TTC28: variants seen among roughly 807,000 people sequenced by gnomAD.
The protein encoded by TTC28 is tetratricopeptide repeat domain 28.
A neutral mutation model predicts 198.0 loss-of-function variants in TTC28; 61 were observed. The ratio of observed to expected loss-of-function variants is 0.31; its 90% CI spans 0.25 to 0.38. The LOEUF (loss-of-function observed/expected upper bound fraction) is 0.38. Among genes scored for constraint, TTC28 ranks in the 10% least tolerant of loss-of-function variants. The pLI, the probability that TTC28 is intolerant of heterozygous loss-of-function variation, is 1.00. For synonymous variants in TTC28, 1,171 were observed against 1,297.8 expected (o/e 0.90, Z 2.10); for missense variants, 2,678 against 3,164.0 (o/e 0.85, Z 3.69).
At chr22:28,474,508 T>C (rs758026988) in intron 2 of TTC28, among the ~76,000 whole-genome samples, 1 of 152,206 alleles carries the variant, frequency 6.6e-6, no homozygotes, top group Non-Finnish European at 1.5e-5. Context: ...GGCTGGGAGA[T>C]ACCAGGTGTG....
intron 6 of TTC28, among the ~76,000 whole-genome samples, chr22:28,125,198 T>C (rs1255993292): frequency 1.3e-5 from 2 of 152,218 alleles, no homozygotes; most frequent in Non-Finnish European, 2.9e-5. Flanking sequence ...GGTCACAACC[T>C]ACCCAACATT....
chr22:28,288,848 C>A (rs1329441269), intron 5 of TTC28, among the ~76,000 whole-genome samples: 1 of 151,502 alleles, frequency 6.6e-6, no homozygotes, highest in Non-Finnish European at 1.5e-5. Flanking sequence ...TTTTAGGTCA[C>A]ATGGTAATAA....
intron 5 of TTC28, among the ~76,000 whole-genome samples, chr22:28,199,367 C>A (rs191751198): frequency 3.6e-4 from 47 of 131,344 alleles, no homozygotes; most frequent in African/African-American, 1.2e-3. Flanking sequence ...AAGTATAATG[C>A]CACTTACATT....
intron 2 of TTC28, among the ~76,000 whole-genome samples, chr22:28,451,545 G>A (rs1328165712): frequency 6.6e-6 from 1 of 152,074 alleles, no homozygotes; most frequent in Non-Finnish European, 1.5e-5. Flanking sequence ...ACATACAGCA[G>A]GTCCTCAAAT....
chr22:28,607,754 TGATTGTTATGAG>T (rs1448951473), intron 2 of TTC28, among the ~76,000 whole-genome samples: 2 of 152,216 alleles, frequency 1.3e-5, no homozygotes, highest in Non-Finnish European at 2.9e-5. Context: ...CTATAGCAGA[TGATTGTTATGAG>T]GATCTGCCTT....
intron 1 of TTC28, among the ~76,000 whole-genome samples, chr22:28,636,811 C>T (rs1057084640): frequency 2.6e-5 from 4 of 151,992 alleles, no homozygotes; most frequent in Non-Finnish European, 5.9e-5. Flanking sequence ...TATTTTATCC[C>T]ACCCCATAGG....
intron 12 of TTC28, among the ~76,000 whole-genome samples, chr22:28,092,387 C>A (rs1260270112): frequency 6.6e-6 from 1 of 152,160 alleles, no homozygotes; most frequent in Admixed American, 6.5e-5. Flanking sequence ...ACTCAAAATA[C>A]CTGTGGAAGG....
At chr22:28,069,133 T>C (rs1335867488) in intron 12 of TTC28, among the ~76,000 whole-genome samples, 1 of 152,206 alleles carries the variant, frequency 6.6e-6, no homozygotes, top group Non-Finnish European at 1.5e-5. Context: ...TGAGTCATTT[T>C]CTTTTGATCT....
intron 2 of TTC28, among the ~76,000 whole-genome samples, chr22:28,615,933 T>C (rs2050898726): frequency 6.6e-6 from 1 of 152,100 alleles, no homozygotes; most frequent in South Asian, 2.1e-4. Context: ...ACCCCAGAGC[T>C]TAAAGTGTAA....
chr22:28,268,835 T>C (rs907773843), intron 5 of TTC28, among the ~76,000 whole-genome samples: 1 of 152,176 alleles, frequency 6.6e-6, no homozygotes, highest in Non-Finnish European at 1.5e-5. Flanking sequence ...AATGCAGAAA[T>C]ATTTCCTCTT....
At chr22:28,328,309 G>A (rs536422446) in intron 2 of TTC28, among the ~76,000 whole-genome samples, 1 of 151,988 alleles carries the variant, frequency 6.6e-6, no homozygotes, top group African/African-American at 2.4e-5. Flanking sequence ...GGTCATGGTA[G>A]TGTGCACCTG....
At chr22:28,009,191 G>C (rs1938041895) in intron 14 of TTC28, among the ~76,000 whole-genome samples, 1 of 152,200 alleles carries the variant, frequency 6.6e-6, no homozygotes, top group Non-Finnish European at 1.5e-5. Flanking sequence ...TTCCAGGAAA[G>C]AGCCACGACA....
intron 2 of TTC28, among the ~76,000 whole-genome samples, chr22:28,563,998 C>T (rs1479984521): frequency 6.6e-6 from 1 of 152,102 alleles, no homozygotes; most frequent in East Asian, 1.9e-4. Flanking sequence ...TGTACATGAA[C>T]CTCCAAAACA....
Position 28,463,356 on chromosome 22 carries a change from G to A in TTC28, c.382-156713C>T, listed in dbSNP as rs180939586. On this transcript the variant is annotated intron_variant, in intron 2 of 22. Coordinates refer to ENST00000397906, the MANE Select transcript of TTC28 (RefSeq NM_001145418.2). ...CAACCACTGTGGAAGACAGTGTGGC[G>A]ATTCCTCAGGTATCTAGAGCTAGAA... Among the ~76,000 whole-genome samples the A allele has an allele frequency of 2.8e-3, 433 of 152,212 alleles. 1 individual carries two copies. The highest frequency in any genetic ancestry group is 4.9e-3 in the Non-Finnish European group (336 of 68,026).
At chr22:28,577,856 T>A (rs919639731) in intron 2 of TTC28, among the ~76,000 whole-genome samples, 1 of 152,168 alleles carries the variant, frequency 6.6e-6, no homozygotes, top group African/African-American at 2.4e-5. Context: ...ATGTGTGTCT[T>A]TATAGGTGAA....
intron 6 of TTC28, among the ~76,000 whole-genome samples, chr22:28,153,680 G>A (rs181880652): frequency 6.5e-4 from 99 of 152,166 alleles, no homozygotes; most frequent in African/African-American, 2.2e-3. Flanking sequence ...ACTAATGTTC[G>A]ACAAATATTT....
chr22:28,365,216 A>T (rs966395060), intron 2 of TTC28, among the ~76,000 whole-genome samples: 7 of 152,250 alleles, frequency 4.6e-5, no homozygotes, highest in Non-Finnish European at 8.8e-5. Context: ...AAAATATTTT[A>T]AAATTAAGGC....
At chr22:28,514,738 A>G (rs930653000) in intron 2 of TTC28, among the ~76,000 whole-genome samples, 1 of 152,222 alleles carries the variant, frequency 6.6e-6, no homozygotes, top group African/African-American at 2.4e-5. Flanking sequence ...TATGGTATGC[A>G]TTCAGTGACA....
At chr22:28,384,834 G>T (rs1320212970) in intron 2 of TTC28, among the ~76,000 whole-genome samples, 1 of 152,076 alleles carries the variant, frequency 6.6e-6, no homozygotes, top group Non-Finnish European at 1.5e-5. Context: ...GTAGAAAGAT[G>T]ACAGACTTTA....
Sources: gnomAD v4.1 joint callset for allele counts (sites outside exome capture counted in the v4.1 genomes callset) on GRCh38, gnomAD v4.1.1 for gene constraint, MANE v1.5 for transcripts, NCBI Gene and HGNC (gene_info 2026-07-23, HGNC 2026-07-21) for gene names.